Variants in MSRB3 observed in about 807,000 individuals in gnomAD.
MSRB3 encodes the protein methionine sulfoxide reductase B3.
A neutral mutation model predicts 21.0 loss-of-function variants in MSRB3; 13 were observed. That is an observed-to-expected ratio of 0.62 (90% CI 0.40 to 0.98). MSRB3 has a LOEUF of 0.98. Ranked by LOEUF, MSRB3 falls within the 50% of genes least tolerant of loss-of-function variation. The pLI is 0.00. For missense variants in MSRB3, 199 were observed against 230.3 expected (o/e 0.86, Z 0.88); for synonymous variants, 87 against 88.6 (o/e 0.98, Z 0.10).
intron 4 of MSRB3, among the ~76,000 whole-genome samples, chr12:65,335,296 A>G (rs1229009911): frequency 6.6e-6 from 1 of 152,230 alleles, no homozygotes; most frequent in Non-Finnish European, 1.5e-5. Context: ...TTTATTAGAC[A>G]GGGTCTGTCT....
intron 5 of MSRB3, among the ~76,000 whole-genome samples, chr12:65,422,629 T>C (rs984482505): frequency 3.3e-5 from 5 of 151,216 alleles, no homozygotes; most frequent in Non-Finnish European, 7.4e-5. Context: ...TTGCATTAAG[T>C]CTGTAGATGG....
At chr12:65,403,746 G>C (rs2136608897) in intron 5 of MSRB3, among the ~76,000 whole-genome samples, 1 of 152,298 alleles carries the variant, frequency 6.6e-6, no homozygotes, top group African/African-American at 2.4e-5. Context: ...AGGCACCTGA[G>C]GGAATCTCCT....
intron 1 of MSRB3, chr12:65,306,758 CAG>C (rs1423405330): frequency 3.5e-5 from 28 of 810,834 alleles, no homozygotes; most frequent in African/African-American, 1.1e-4. Context: ...ATACAGGCAA[CAG>C]AATATTAAAT....
At chr12:65,367,967 A>G (rs962198901) in intron 4 of MSRB3, among the ~76,000 whole-genome samples, 1 of 152,146 alleles carries the variant, frequency 6.6e-6, no homozygotes, top group African/African-American at 2.4e-5. Flanking sequence ...ATCAGCTGAA[A>G]CTTTGTTTGG....
chr12:65,308,788 T>C, intron 2 of MSRB3, 133 bp downstream of exon 2: 1 of 1,181,276 alleles, frequency 8.5e-7, no homozygotes, highest in Non-Finnish European at 1.2e-6. Context: ...AAGACGGAAA[T>C]TGGTTATAAA....
At chr12:65,379,083 T>G (rs866085322) in intron 5 of MSRB3, among the ~76,000 whole-genome samples, 1 of 152,132 alleles carries the variant, frequency 6.6e-6, no homozygotes, top group African/African-American at 2.4e-5. Context: ...AGTTAACAAT[T>G]ATCTATCTCC....
chr12:65,308,691 A>C, intron 2 of MSRB3, 36 bp downstream of exon 2: 1 of 1,613,688 alleles, frequency 6.2e-7, no homozygotes. Context: ...GTGAAGGCAC[A>C]GGGCCAACTG....
intron 2 of MSRB3, among the ~76,000 whole-genome samples, chr12:65,320,223 A>C (rs1187956457): frequency 6.6e-6 from 1 of 152,202 alleles, no homozygotes; most frequent in African/African-American, 2.4e-5. Context: ...CATATAGAAA[A>C]GAACAAATCT....
At chr12:65,403,898 C>A (rs1384389018) in intron 5 of MSRB3, among the ~76,000 whole-genome samples, 1 of 152,160 alleles carries the variant, frequency 6.6e-6, no homozygotes, top group African/African-American at 2.4e-5. Context: ...TCAAGTGACA[C>A]CCCACCCTGC....
chr12:65,303,236 G>A (rs1173551584), intron 1 of MSRB3, among the ~76,000 whole-genome samples: 2 of 152,034 alleles, frequency 1.3e-5, no homozygotes, highest in African/African-American at 4.8e-5. Context: ...AGCTTTGTGA[G>A]TTCTCTAGAT....
At chr12:65,351,763 G>A in intron 4 of MSRB3, among the ~76,000 whole-genome samples, 1 of 151,518 alleles carries the variant, frequency 6.6e-6, no homozygotes, top group Non-Finnish European at 1.5e-5. Context: ...ACTAAACCAG[G>A]AAGAAGTTGA....
chr12:65,425,540 T>TTATATG (rs1363231225), intron 5 of MSRB3, among the ~76,000 whole-genome samples: 5 of 152,136 alleles, frequency 3.3e-5, no homozygotes, highest in African/African-American at 1.2e-4. Flanking sequence ...GTTTTATGAC[T>TTATATG]ACTATGAGAC....
At chr12:65,289,633 T>C (rs1019879422) in intron 1 of MSRB3, among the ~76,000 whole-genome samples, 1 of 152,246 alleles carries the variant, frequency 6.6e-6, no homozygotes, top group Non-Finnish European at 1.5e-5. Flanking sequence ...CATGGGAGTT[T>C]GGTGTACAGA....
chr12:65,445,830 AAG>A (rs1341722560), intron 5 of MSRB3, among the ~76,000 whole-genome samples: 2 of 151,646 alleles, frequency 1.3e-5, no homozygotes, highest in Non-Finnish European at 2.9e-5. Flanking sequence ...ATTTTTAGTA[AAG>A]ATGGGTTTCA....
At chr12:65,405,119 T>G (rs1478517290) in intron 5 of MSRB3, among the ~76,000 whole-genome samples, 1 of 151,856 alleles carries the variant, frequency 6.6e-6, no homozygotes, top group South Asian at 2.1e-4. Flanking sequence ...CCTGGCTAAT[T>G]TTTTTGTATT....
intron 1 of MSRB3, chr12:65,279,174 G>A (rs1871848881): frequency 1.1e-6 from 1 of 873,304 alleles, no homozygotes; most frequent in Non-Finnish European, 1.5e-6. Flanking sequence ...GGAGCCTCTC[G>A]CCCCGCGCGG....
chr12:65,342,717 T>C (rs886606730), intron 4 of MSRB3, among the ~76,000 whole-genome samples: 4 of 152,020 alleles, frequency 2.6e-5, no homozygotes, highest in Admixed American at 1.3e-4. Flanking sequence ...ATAATTTCAA[T>C]GTCCAAAATA....
chr12:65,434,498 G>T (rs1312663810), intron 5 of MSRB3, among the ~76,000 whole-genome samples: 1 of 151,868 alleles, frequency 6.6e-6, no homozygotes, highest in Non-Finnish European at 1.5e-5. Flanking sequence ...AGGTGTCATA[G>T]CCATTCAGAA....
intron 4 of MSRB3, among the ~76,000 whole-genome samples, chr12:65,363,434 C>T (rs1222871563): frequency 6.6e-6 from 1 of 152,104 alleles, no homozygotes; most frequent in Non-Finnish European, 1.5e-5. Context: ...AAAGTGACCT[C>T]TTTTGAAAAT....
Sources: allele counts gnomAD v4.1 joint callset (sites outside exome capture counted in the v4.1 genomes callset), GRCh38; gene constraint gnomAD v4.1.1; transcripts MANE v1.5; gene names NCBI Gene and HGNC (gene_info 2026-07-23, HGNC 2026-07-21).